Variants in HHAT observed in about 807,000 individuals in gnomAD.
HHAT encodes the protein hedgehog acyltransferase.
Under a neutral mutation model 70.8 loss-of-function variants are expected in HHAT, and 47 were observed. The ratio of observed to expected loss-of-function variants is 0.66; its 90% confidence interval spans 0.53 to 0.85. The LOEUF (loss-of-function observed/expected upper bound fraction) is 0.85, where lower values mean the gene tolerates loss of function less well. Among genes scored for constraint, HHAT ranks in the 40% least tolerant of loss-of-function variants. The pLI, the probability that HHAT is intolerant of heterozygous loss-of-function variation, is 0.00. For missense variants in HHAT, 609 were observed against 604.8 expected, an observed-to-expected ratio of 1.01 and a Z score of -0.07; for synonymous variants, 228 against 247.6, an observed-to-expected ratio of 0.92 and a Z score of 0.74.
At chr1:210,355,597 C>T (rs1397209949) in intron 2 of HHAT, among the ~76,000 whole-genome samples, 3 of 152,062 alleles carry the variant, frequency 2.0e-5, no homozygotes, top group Non-Finnish European at 4.4e-5. Flanking sequence ...CTGCTTTTTT[C>T]CCTAGGGTTA....
chr1:210,557,446 A>G (rs2095582828), intron 9 of HHAT, among the ~76,000 whole-genome samples: 1 of 152,090 alleles, frequency 6.6e-6, no homozygotes, highest in Non-Finnish European at 1.5e-5. Flanking sequence ...TTGTACACGA[A>G]TGTCTCCTGT....
At chr1:210,496,934 T>C (rs2094656237) in intron 8 of HHAT, among the ~76,000 whole-genome samples, 3 of 152,242 alleles carry the variant, frequency 2.0e-5, no homozygotes, top group Non-Finnish European at 4.4e-5. Flanking sequence ...CTGCCAAGTA[T>C]ATCTGCTGGT....
At chr1:210,616,344 C>T (rs1366863930) in intron 10 of HHAT, among the ~76,000 whole-genome samples, 2 of 150,800 alleles carry the variant, frequency 1.3e-5, no homozygotes, top group Admixed American at 1.3e-4. Flanking sequence ...CTCCAACACC[C>T]CCTTTTCCCC....
At chr1:210,337,871 A>C (rs1423212013) in intron 1 of HHAT, among the ~76,000 whole-genome samples, 1 of 152,246 alleles carries the variant, frequency 6.6e-6, no homozygotes, top group African/African-American at 2.4e-5. Flanking sequence ...CTTCACAAAG[A>C]GCACACTTCC....
chr1:210,374,628 G>GT (rs1307504410), intron 3 of HHAT, among the ~76,000 whole-genome samples: 2 of 151,724 alleles, frequency 1.3e-5, no homozygotes, highest in East Asian at 3.9e-4. Context: ...AGCCCTTTTT[G>GT]TATAATGGGA....
At chr1:210,475,595 A>G (rs752293822) in intron 8 of HHAT, among the ~76,000 whole-genome samples, 6 of 152,110 alleles carry the variant, frequency 3.9e-5, no homozygotes, top group Non-Finnish European at 5.9e-5. Context: ...GAATAATTTC[A>G]TCCTCTTCTT....
chr1:210,494,915 C>G (rs913126937), intron 8 of HHAT, among the ~76,000 whole-genome samples: 4 of 152,096 alleles, frequency 2.6e-5, no homozygotes, highest in African/African-American at 9.7e-5. Flanking sequence ...TGGCTCTGGA[C>G]TGCAGGAAAG....
chr1:210,464,972 T>G (rs2094069456), intron 8 of HHAT, among the ~76,000 whole-genome samples: 2 of 152,240 alleles, frequency 1.3e-5, no homozygotes, highest in African/African-American at 4.8e-5. Context: ...ATTTAATTGC[T>G]TTCTCTTTTT....
intron 7 of HHAT, among the ~76,000 whole-genome samples, chr1:210,459,625 C>T (rs2093939327): frequency 6.6e-6 from 1 of 152,194 alleles, no homozygotes; most frequent in Non-Finnish European, 1.5e-5. Context: ...TCACCCCCTT[C>T]AAGTTTTTGC....
At chr1:210,643,658 C>T (rs1216832268) in intron 11 of HHAT, among the ~76,000 whole-genome samples, 3 of 150,992 alleles carry the variant, frequency 2.0e-5, no homozygotes, top group African/African-American at 4.9e-5. Context: ...TTTGTGTGAA[C>T]GACCTGGCTG....
chr1:210,333,306 C>A (rs917334667), intron 1 of HHAT, among the ~76,000 whole-genome samples: 1 of 152,142 alleles, frequency 6.6e-6, no homozygotes, highest in Non-Finnish European at 1.5e-5. Context: ...CACTTGTAGT[C>A]CCAACTACTT....
intron 11 of HHAT, among the ~76,000 whole-genome samples, chr1:210,659,082 AAGATC>A (rs1487227588): frequency 1.3e-5 from 2 of 152,238 alleles, no homozygotes; most frequent in Admixed American, 6.5e-5. Flanking sequence ...AGAAATAACT[AAGATC>A]AGAGCAGAAC....
At chr1:210,660,050 T>C (rs1677312561) in intron 11 of HHAT, among the ~76,000 whole-genome samples, 1 of 152,144 alleles carries the variant, frequency 6.6e-6, no homozygotes, top group Non-Finnish European at 1.5e-5. Flanking sequence ...TTCAACATAG[T>C]GTTGGAAGTT....
chr1:210,480,820 T>G (rs2206610), intron 8 of HHAT, among the ~76,000 whole-genome samples: 20,680 of 152,104 alleles, frequency 0.14, 1,900 homozygotes, highest in African/African-American at 0.26. Flanking sequence ...TTTATTTTCC[T>G]GGATACACTC....
chr1:210,341,414 C>T (rs898555074), intron 1 of HHAT, among the ~76,000 whole-genome samples: 3 of 152,132 alleles, frequency 2.0e-5, no homozygotes, highest in East Asian at 3.8e-4. Context: ...ATCTTGCAGC[C>T]GTTATGTTTA....
rs148840181 is a variant in HHAT at position 210,485,291 on chromosome 1, C to T, written c.1007+20636C>T. Among the ~76,000 whole-genome samples, 255 of 152,208 alleles carry T rather than the reference C, an allele frequency of 1.7e-3. 2 individuals carry two copies. Among genetic ancestry groups the T allele is most frequent in the African/African-American group, 5.9e-3 (244 of 41,462 alleles). On this transcript the variant is annotated intron_variant, in intron 8 of 11. Transcript: ENST00000261458. ...CTAGGGTATGCAGCACACAGTGCTA[C>T]AGTCTGATCACTCTGAGGCAAGTCC...
intron 9 of HHAT, among the ~76,000 whole-genome samples, chr1:210,580,391 G>A (rs1391179906): frequency 6.6e-6 from 1 of 151,740 alleles, no homozygotes; most frequent in Non-Finnish European, 1.5e-5. Context: ...AAAAAAAAGG[G>A]GGGATACGTG....
chr1:210,658,756 T>G (rs922869737), intron 11 of HHAT, among the ~76,000 whole-genome samples: 1 of 152,126 alleles, frequency 6.6e-6, no homozygotes, highest in African/African-American at 2.4e-5. Flanking sequence ...CACAGTGCAA[T>G]CAAATTAGAA....
chr1:210,404,442 T>C, intron 5 of HHAT, 22 bp from the exon 6 acceptor site: 1 of 1,585,676 alleles, frequency 6.3e-7, no homozygotes, highest in Non-Finnish European at 8.7e-7. Flanking sequence ...TCAAAGGTTG[T>C]TCTCTCCTTT....
Sources: gnomAD v4.1 joint callset for allele counts (sites outside exome capture counted in the v4.1 genomes callset) on GRCh38, gnomAD v4.1.1 for gene constraint, MANE v1.5 for transcripts, NCBI Gene and HGNC (gene_info 2026-07-23, HGNC 2026-07-21) for gene names.